RND3: variants seen among roughly 807,000 people sequenced by gnomAD.
The protein encoded by RND3 is rho-related GTP-binding protein RhoE.
Under a neutral mutation model 26.5 loss-of-function variants are expected in RND3, and 8 were observed. The ratio of observed to expected loss-of-function variants is 0.30; its 90% CI spans 0.18 to 0.54. The LOEUF (loss-of-function observed/expected upper bound fraction) is 0.54. Ranked by LOEUF, RND3 falls within the 20% of genes least tolerant of loss-of-function variation. The pLI, the probability that RND3 is intolerant of heterozygous loss-of-function variation, is 0.94. For missense variants in RND3, 207 were observed against 302.8 expected (o/e 0.68, Z 2.35); for synonymous variants, 113 against 113.0 (o/e 1.00, Z 0.00).
In RND3 at chr2:150,482,734, G is replaced by C. The variant is rs549779579; in HGVS notation, c.238+3960C>G. On this transcript the variant is annotated intron_variant, in intron 3 of 5. Coordinates refer to ENST00000263895, the MANE Select transcript of RND3 (RefSeq NM_005168.5). ...TGTGTGCAATGGGCGGGGGTGGGGG[G>C]GGCGGTGCGGGGGTAGCTGTTTCCT... Among the ~76,000 whole-genome samples, 20 of 138,236 alleles carry C rather than the reference G, an allele frequency of 1.4e-4. No individual in the cohort carries two copies. The South Asian group carries it at 1.9e-3, about 13-fold the overall frequency. The allele number at this position is 138,236 out of a possible 152,430, so 90.7% of individuals were successfully genotyped here.
Position 150,474,955 on chromosome 2 carries a change from G to C in RND3, c.268C>G (p.Leu90Val), listed in dbSNP as rs755197296. Residue 90 changes from leucine to valine, a missense_variant, in exon 4 of 6, where the codon CTC becomes GTC. Coordinates refer to ENST00000263895, the MANE Select transcript of RND3 (RefSeq NM_005168.5). ...GSPYYDNVRP[L>V]SYPDSDAVLI... Reference sequence around the variant, plus strand: ...ACAGCATCCGAATCAGGGTAAGAGAGGGGGCGGACATTGTCATAGTAAGGA... The same window carrying C: ...ACAGCATCCGAATCAGGGTAAGAGACGGGGCGGACATTGTCATAGTAAGGA... The C allele has an allele frequency of 6.2e-7, 1 of 1,613,014 alleles. No individual in the cohort carries two copies. Among genetic ancestry groups the C allele is most frequent in the Non-Finnish European group, 8.5e-7 (1 of 1,179,136 alleles).
In RND3 at chr2:150,486,617, G is replaced by T. The variant is rs1283497451; in HGVS notation, c.238+77C>A. 2.0e-6 allele frequency: 2 copies of T among 1,017,100 alleles called. No homozygotes were observed. The highest frequency in any genetic ancestry group is 2.4e-5 in the East Asian group (1 of 42,242). 63.0% of individuals were successfully genotyped at this position (1,017,100 alleles called of 1,614,324 possible). A position where few individuals can be genotyped will look rare whatever the true frequency, so the allele number is the denominator to read the frequency against. On this transcript the variant is annotated intron_variant, in intron 3 of 5. Coordinates refer to ENST00000263895, the MANE Select transcript of RND3 (RefSeq NM_005168.5). This position sits in a 1 kb window ranked among gnomAD's most constrained non-coding sequence, Gnocchi z 4.5. The stretch of plus-strand genomic sequence containing the variant: ...GGGGCGCAGACGGCTTGTAGCGCGC[G>T]GTTTCCCGAGACCCGCCGCGCATCC...
chr2:150,477,268 T>C (rs1043461343), intron 3 of RND3, among the ~76,000 whole-genome samples: 2 of 152,190 alleles, frequency 1.3e-5, no homozygotes, highest in Non-Finnish European at 2.9e-5. Flanking sequence ...TCCAGGTGCC[T>C]ACCAGCTCCT....
At chr2:150,482,783 T>C (rs1000717978) in intron 3 of RND3, among the ~76,000 whole-genome samples, 1 of 152,098 alleles carries the variant, frequency 6.6e-6, no homozygotes, top group African/African-American at 2.4e-5. Flanking sequence ...CCAGAGGATC[T>C]ATAAGCCCTA....
Position 150,468,742 on chromosome 2 carries a change from A to T in RND3, c.*1245T>A, listed in dbSNP as rs996804927. 1.3e-5 allele frequency: 2 copies of T among 152,636 alleles called. No individual in the cohort carries two copies. The highest frequency in any genetic ancestry group is 2.9e-5 in the Non-Finnish European group (2 of 68,046). 9.5% of individuals were successfully genotyped at this position (152,636 alleles called of 1,614,324 possible). ...ATTTTAAATGCTTATTATTTTACGT[A>T]ACAACAGAGACCAAGTGCTGAACAC... On this transcript the variant is annotated 3_prime_UTR_variant, in exon 6 of 6. Transcript: ENST00000263895.
At position 150,470,255 on chromosome 2, in the gene RND3, G is replaced by C; in HGVS notation, c.484-17C>G. On this transcript the variant is annotated splice_polypyrimidine_tract_variant and intron_variant, in intron 5 of 5. Coordinates refer to ENST00000263895, the MANE Select transcript of RND3 (RefSeq NM_005168.5). ...ATTTGCCCCCTGAGAAGCAAAAGAA[G>C]GGATTTTAACCAGCAATAAGACTTT... 1 of 1,609,234 alleles carries C rather than the reference G, an allele frequency of 6.2e-7. No homozygotes were observed. Among genetic ancestry groups the C allele is most frequent in the Non-Finnish European group, 8.5e-7 (1 of 1,177,184 alleles).
At chr2:150,481,392 G>A (rs1686267097) in intron 3 of RND3, among the ~76,000 whole-genome samples, 1 of 152,180 alleles carries the variant, frequency 6.6e-6, no homozygotes, top group African/African-American at 2.4e-5. Context: ...AGGGAAGAAG[G>A]ATGTCTTTAC....
rs1012059508 is a variant in RND3 at position 150,469,679 on chromosome 2, G to A, written c.*308C>T. 2.9e-5 allele frequency: 9 copies of A among 305,296 alleles called. No homozygotes were observed. The highest frequency in any genetic ancestry group is 6.1e-5 in the East Asian group (1 of 16,364). 18.9% of individuals were successfully genotyped at this position (305,296 alleles called of 1,614,324 possible). A position where few individuals can be genotyped will look rare whatever the true frequency, so the allele number is the denominator to read the frequency against. On this transcript the variant is annotated 3_prime_UTR_variant, in exon 6 of 6. Coordinates refer to ENST00000263895, the MANE Select transcript of RND3 (RefSeq NM_005168.5). The stretch of plus-strand genomic sequence containing the variant: ...AACCCAAAAATGCAAGCACCATTCA[G>A]AGTGTGATTTTTCTTCTTGGAGGTA...
intron 3 of RND3, among the ~76,000 whole-genome samples, chr2:150,484,386 T>C (rs1440204646): frequency 6.6e-6 from 1 of 152,232 alleles, no homozygotes; most frequent in Non-Finnish European, 1.5e-5. Context: ...CCTAAAAGAA[T>C]CAATTTAGCC....
At chr2:150,475,911 T>C (rs1686156350) in intron 3 of RND3, among the ~76,000 whole-genome samples, 1 of 152,186 alleles carries the variant, frequency 6.6e-6, no homozygotes, top group Non-Finnish European at 1.5e-5. Flanking sequence ...AACTCTCTAG[T>C]CAATCAAGGA....
At chr2:150,483,505 T>C (rs1049372770) in intron 3 of RND3, among the ~76,000 whole-genome samples, 1 of 152,214 alleles carries the variant, frequency 6.6e-6, no homozygotes, top group Non-Finnish European at 1.5e-5. Context: ...CAGAGTTATA[T>C]TGATGGCCTT....
rs781344170 is a variant in RND3 at position 150,487,343 on chromosome 2, C to T, written c.75G>A (p.Lys25=). 1.2e-6 allele frequency: 2 copies of T among 1,606,790 alleles called. No individual in the cohort carries two copies. The highest frequency in any genetic ancestry group is 1.7e-6 in the Non-Finnish European group (2 of 1,176,388). Residue 25 remains lysine (K), a synonymous_variant, in exon 2 of 6, where the codon AAG becomes AAA. Transcript: ENST00000263895. ...IMDPNQNVKC[K]IVVVGDSQCG... ...ACTGACTGTCTCCCACCACAACTAT[C>T]TTGCATTTCACGTTCTGATTAGGAT...
chr2:150,470,103 G>A lies in RND3; in HGVS notation c.619C>T (p.Arg207Trp), dbSNP rs758054007. The A allele has an allele frequency of 2.1e-5, 34 of 1,613,838 alleles. No individual in the cohort carries two copies. The highest frequency in any genetic ancestry group is 2.3e-5 in the Non-Finnish European group (27 of 1,179,948). The change falls in exon 6 of 6, where the codon CGG (arginine) becomes TGG (tryptophan). Residue 207 changes from arginine to tryptophan, a missense_variant. Coordinates refer to ENST00000263895, the MANE Select transcript of RND3 (RefSeq NM_005168.5). ...TTTGTGGCTCTCTGTGATTTGTTCC[G>A]CTTAACGTTTTTATTTGTCTTATTT... ...CVNKTNKNVK[R>W]NKSQRATKRI...
Position 150,471,663 on chromosome 2 carries a change from G to C in RND3, c.447C>G (p.Leu149=). The change falls in exon 5 of 6, where the codon CTC becomes CTG. Residue 149 remains leucine (L), a synonymous_variant. Coordinates refer to ENST00000263895, the MANE Select transcript of RND3 (RefSeq NM_005168.5). ...ACACTGGCGTCTGCCTGTGATTGGAGAGCTCTACTAATGTACTAACATCTG... is the reference window on the plus strand; with the variant it reads ...ACACTGGCGTCTGCCTGTGATTGGACAGCTCTACTAATGTACTAACATCTG... The part of the protein sequence containing the change: ...LRTDVSTLVE[L]SNHRQTPVSY... The C allele has an allele frequency of 6.2e-7, 1 of 1,613,174 alleles. No individual in the cohort carries two copies. The highest frequency in any genetic ancestry group is 8.5e-7 in the Non-Finnish European group (1 of 1,179,560).
chr2:150,482,255 C>T (rs2105222132), intron 3 of RND3, among the ~76,000 whole-genome samples: 1 of 152,336 alleles, frequency 6.6e-6, no homozygotes, highest in Non-Finnish European at 1.5e-5. Flanking sequence ...CCCTAAATCA[C>T]ATGTGCTGAA....
Position 150,486,585 on chromosome 2 carries a change from C to G in RND3, c.238+109G>C, listed in dbSNP as rs1452077065. The G allele has an allele frequency of 9.6e-6, 8 of 834,636 alleles. No individual in the cohort carries two copies. In the East Asian group the frequency reaches 1.9e-4, roughly 20 times the overall value. The allele number at this position is 834,636 out of a possible 1,614,324, so 51.7% of individuals were successfully genotyped here. On this transcript the variant is annotated intron_variant, in intron 3 of 5. Coordinates refer to ENST00000263895, the MANE Select transcript of RND3 (RefSeq NM_005168.5). This position sits in a 1 kb window ranked among gnomAD's most constrained non-coding sequence, Gnocchi z 4.5. The stretch of plus-strand genomic sequence containing the variant: ...CGCCCAACAGGGACCGTGGGAATCC[C>G]TTGGGAGGGGCGCAGACGGCTTGTA...
At chr2:150,476,966 C>T (rs1448440073) in intron 3 of RND3, among the ~76,000 whole-genome samples, 1 of 152,176 alleles carries the variant, frequency 6.6e-6, no homozygotes, top group Non-Finnish European at 1.5e-5. Flanking sequence ...ACGGCACCTG[C>T]TGTAAACATT....
intron 2 of RND3, 107 bp downstream of exon 2, chr2:150,487,161 T>C (rs73967183): frequency 0.33 from 118,060 of 361,542 alleles, 4,093 homozygotes; most frequent in Middle Eastern, 0.34. Flanking sequence ...TTTTTTTTTC[T>C]TTTTTTTTTT....
chr2:150,471,970 G>A (rs976316372), intron 4 of RND3: 2 of 518,396 alleles, frequency 3.9e-6, no homozygotes, highest in African/African-American at 1.9e-5. Context: ...GAATAATTAT[G>A]TATATTATGA....
Sources: allele counts gnomAD v4.1 joint callset (sites outside exome capture counted in the v4.1 genomes callset), GRCh38; gene constraint gnomAD v4.1.1; non-coding constraint Gnocchi (gnomAD v3.1); transcripts MANE v1.5; gene names NCBI Gene and HGNC (gene_info 2026-07-23, HGNC 2026-07-21).